RAPGEF2: variants seen among roughly 807,000 people sequenced by gnomAD.
RAPGEF2 encodes the protein Rap guanine nucleotide exchange factor 2, also known as PDZ domain containing guanine nucleotide exchange factor (GEF) 1.
Under a neutral mutation model 186.7 loss-of-function variants are expected in RAPGEF2, and 54 were observed. The ratio of observed to expected loss-of-function variants is 0.29; its 90% CI spans 0.23 to 0.36. The LOEUF (loss-of-function observed/expected upper bound fraction) is 0.36. Among genes scored for constraint, RAPGEF2 ranks in the 10% least tolerant of loss-of-function variants. RAPGEF2 has a pLI of 1.00. For missense variants in RAPGEF2, 1,532 were observed against 2,045.0 expected, an observed-to-expected ratio of 0.75 and a Z score of 4.84; for synonymous variants, 712 against 705.9, an observed-to-expected ratio of 1.01 and a Z score of -0.14.
At chr4:159,281,018 G>A (rs1446374874) in intron 7 of RAPGEF2, among the ~76,000 whole-genome samples, 2 of 148,074 alleles carry the variant, frequency 1.4e-5, no homozygotes, top group Admixed American at 1.3e-4. Flanking sequence ...ACGGAGTCTC[G>A]GTCTGTCTCC....
intron 4 of RAPGEF2, among the ~76,000 whole-genome samples, chr4:159,219,123 G>A (rs1751262509): frequency 6.6e-6 from 1 of 152,110 alleles, no homozygotes; most frequent in African/African-American, 2.4e-5. Context: ...TCTAGGACTT[G>A]ACTCTGTTCC....
chr4:159,189,041 C>G (rs1478228895), intron 2 of RAPGEF2, among the ~76,000 whole-genome samples: 1 of 146,458 alleles, frequency 6.8e-6, no homozygotes, highest in Non-Finnish European at 1.5e-5. Context: ...ACTTAAACTG[C>G]TTTATAATAC....
intron 6 of RAPGEF2, among the ~76,000 whole-genome samples, chr4:159,242,978 G>T (rs1754185288): frequency 6.6e-6 from 1 of 151,916 alleles, no homozygotes; most frequent in South Asian, 2.1e-4. Flanking sequence ...CTTTAGTTGG[G>T]TGGGCCATTT....
At chr4:159,242,278 T>C (rs1754108879) in intron 6 of RAPGEF2, among the ~76,000 whole-genome samples, 1 of 151,630 alleles carries the variant, frequency 6.6e-6, no homozygotes, top group African/African-American at 2.4e-5. Flanking sequence ...ATAATTAATT[T>C]AAAATAAAAA....
intron 10 of RAPGEF2, 85 bp from the exon 11 acceptor site, chr4:159,323,374 A>G: frequency 1.8e-6 from 2 of 1,113,164 alleles, no homozygotes; most frequent in South Asian, 1.9e-5. Context: ...AAGATCTGCT[A>G]ATTCATTTTT....
intron 8 of RAPGEF2, among the ~76,000 whole-genome samples, chr4:159,312,671 T>C (rs1764089655): frequency 6.6e-6 from 1 of 152,350 alleles, no homozygotes; most frequent in South Asian, 2.1e-4. Context: ...CTTCAATTAT[T>C]TTCCCCTTAA....
chr4:159,333,706 G>C (rs1363884493), intron 17 of RAPGEF2, among the ~76,000 whole-genome samples: 1 of 152,112 alleles, frequency 6.6e-6, no homozygotes, highest in African/African-American at 2.4e-5. Context: ...TTGAGTCTAG[G>C]AATGTTTTAT....
chr4:159,288,327 T>G (rs1410341419), intron 7 of RAPGEF2, among the ~76,000 whole-genome samples: 2 of 152,190 alleles, frequency 1.3e-5, no homozygotes, highest in Non-Finnish European at 2.9e-5. Flanking sequence ...TAGCGATTTG[T>G]GATATATACC....
chr4:159,336,513 G>A (rs1317137473), intron 17 of RAPGEF2, among the ~76,000 whole-genome samples: 1 of 152,078 alleles, frequency 6.6e-6, no homozygotes, highest in Admixed American at 6.5e-5. Context: ...TCCTTTTTAT[G>A]GCTGAGTAAT....
intron 1 of RAPGEF2, among the ~76,000 whole-genome samples, chr4:159,185,609 A>G (rs892849250): frequency 6.6e-6 from 1 of 152,212 alleles, no homozygotes; most frequent in Non-Finnish European, 1.5e-5. Context: ...CGAAATGTCC[A>G]GAATAGGCAA....
intron 1 of RAPGEF2, among the ~76,000 whole-genome samples, chr4:159,135,624 A>G (rs1741636793): frequency 6.6e-6 from 1 of 151,474 alleles, no homozygotes; most frequent in Non-Finnish European, 1.5e-5. Flanking sequence ...TTTGAGACGG[A>G]GTTTTGCTCT....
intron 28 of RAPGEF2, among the ~76,000 whole-genome samples, chr4:159,355,234 A>G (rs17038063): frequency 0.018 from 2,769 of 152,352 alleles, 52 homozygotes; most frequent in African/African-American, 0.042. Context: ...ATGAGCATCA[A>G]TAAAGGGATT....
At chr4:159,159,129 A>G (rs1579332810) in intron 1 of RAPGEF2, among the ~76,000 whole-genome samples, 2 of 152,168 alleles carry the variant, frequency 1.3e-5, no homozygotes, top group Non-Finnish European at 1.5e-5. Context: ...ATGCCAAAAT[A>G]CTTCCCTCAG....
At chr4:159,184,962 A>G (rs1188865322) in intron 1 of RAPGEF2, among the ~76,000 whole-genome samples, 1 of 152,218 alleles carries the variant, frequency 6.6e-6, no homozygotes, top group African/African-American at 2.4e-5. Context: ...ATGGCTAGCC[A>G]GTTTCCCCAG....
chr4:159,203,114 T>C (rs771186671), intron 3 of RAPGEF2, among the ~76,000 whole-genome samples: 2 of 152,190 alleles, frequency 1.3e-5, no homozygotes, highest in African/African-American at 2.4e-5. Context: ...GCCACCTCCT[T>C]AAATGAGAAT....
At chr4:159,142,245 C>T (rs538518368) in intron 1 of RAPGEF2, among the ~76,000 whole-genome samples, 3 of 152,098 alleles carry the variant, frequency 2.0e-5, no homozygotes, top group Admixed American at 6.5e-5. Context: ...TTTTTGTTGT[C>T]GTCAGAAGTT....
At chr4:159,351,943 T>C (rs972359356) in intron 26 of RAPGEF2, among the ~76,000 whole-genome samples, 1 of 152,188 alleles carries the variant, frequency 6.6e-6, no homozygotes, top group Admixed American at 6.5e-5. Context: ...AGAGGGAGAC[T>C]CCGTCTCAAA....
chr4:159,210,641 A>G, intron 4 of RAPGEF2, 58 bp downstream of exon 4: 2 of 1,321,880 alleles, frequency 1.5e-6, no homozygotes, highest in South Asian at 1.3e-5. Context: ...CTTTTGCAGA[A>G]TTCAGTTCTA....
chr4:159,148,672 G>A (rs1743200883), intron 1 of RAPGEF2, among the ~76,000 whole-genome samples: 1 of 151,934 alleles, frequency 6.6e-6, no homozygotes, highest in African/African-American at 2.4e-5. Flanking sequence ...GGGATTGAGT[G>A]TACTTAAGCA....
Sources: allele counts gnomAD v4.1 joint callset (sites outside exome capture counted in the v4.1 genomes callset), GRCh38; gene constraint gnomAD v4.1.1; transcripts MANE v1.5; gene names NCBI Gene and HGNC (gene_info 2026-07-23, HGNC 2026-07-21).